BCAS3: variants seen among roughly 807,000 people sequenced by gnomAD.
BCAS3 encodes the protein BCAS3 microtubule associated cell migration factor, also known as BCAS4/BCAS3 fusion.
In BCAS3, 53 loss-of-function variants were observed where a neutral mutation model predicts 116.1. The observed-to-expected ratio is 0.46, with a 90% CI of 0.37 to 0.57. BCAS3 has a LOEUF of 0.57. BCAS3 is among the 20% of genes least tolerant of loss of function. The pLI, the probability that BCAS3 is intolerant of heterozygous loss-of-function variation, is 0.00. For missense variants in BCAS3, 917 were observed against 1,165.4 expected, an observed-to-expected ratio of 0.79 and a Z score of 3.10; for synonymous variants, 391 against 408.2, an observed-to-expected ratio of 0.96 and a Z score of 0.51.
Position 61,128,956 on chromosome 17 carries a change from T to A in BCAS3, c.2425+44392T>A, listed in dbSNP as rs578239217. Reference sequence around the variant, plus strand: ...AGGTGGAGAGGGGGACAGGGCTATATTGAGTTCTCCGCAGTTTTCTAACAG... The same window carrying A: ...AGGTGGAGAGGGGGACAGGGCTATAATGAGTTCTCCGCAGTTTTCTAACAG... On this transcript the variant is annotated intron_variant, in intron 22 of 23. Transcript: ENST00000407086. This position sits in a 1 kb window ranked among gnomAD's most constrained non-coding sequence, Gnocchi z 4.1. Among the ~76,000 whole-genome samples the A allele has an allele frequency of 5.3e-5, 8 of 152,324 alleles. No homozygotes were observed. Among genetic ancestry groups the A allele is most frequent in the African/African-American group, 1.9e-4 (8 of 41,578 alleles).
chr17:60,900,582 T>C (rs2057821334), intron 10 of BCAS3, among the ~76,000 whole-genome samples: 1 of 152,200 alleles, frequency 6.6e-6, no homozygotes, highest in Non-Finnish European at 1.5e-5. Context: ...TGAAGTGTGA[T>C]TCTCTATGCA....
intron 22 of BCAS3, among the ~76,000 whole-genome samples, chr17:61,176,565 T>TTATTTATG (rs1306076569): frequency 2.2e-4 from 32 of 145,162 alleles, no homozygotes; most frequent in African/African-American, 6.7e-4. Flanking sequence ...ATTTATTTAT[T>TTATTTATG]TATGTATTTA....
rs558692930 is a variant in BCAS3 at position 61,316,172 on chromosome 17, G to T, written c.2426-52155G>T. Among the ~76,000 whole-genome samples, 126 of 152,166 alleles carry T rather than the reference G, an allele frequency of 8.3e-4. No individual in the cohort carries two copies. Among genetic ancestry groups the T allele is most frequent in the Non-Finnish European group, 1.6e-3 (108 of 68,002 alleles). ...AATTACAAAATTAGCCAGGCATGGTGGTGCATGCCTGTGATCCCAGCTACT... is the reference window on the plus strand; with the variant it reads ...AATTACAAAATTAGCCAGGCATGGTTGTGCATGCCTGTGATCCCAGCTACT... On this transcript the variant is annotated intron_variant, in intron 22 of 23. Transcript: ENST00000407086. This position sits in a 1 kb window ranked among gnomAD's most constrained non-coding sequence, Gnocchi z 5.8.
At chr17:61,318,095 C>G (rs886333005) in intron 22 of BCAS3, among the ~76,000 whole-genome samples, 3 of 152,230 alleles carry the variant, frequency 2.0e-5, no homozygotes, top group Non-Finnish European at 4.4e-5. Context: ...CCTGCTAGAG[C>G]TACATGCCGC....
intron 19 of BCAS3, among the ~76,000 whole-genome samples, chr17:61,074,231 A>G (rs2071733849): frequency 6.6e-6 from 1 of 152,024 alleles, no homozygotes; most frequent in Admixed American, 6.5e-5. Context: ...GTTAAAAAAA[A>G]AAAGAAGAAA....
At position 61,185,521 on chromosome 17, in the gene BCAS3, C is replaced by A. The variant is rs764607329; in HGVS notation, c.2425+100957C>A. On this transcript the variant is annotated intron_variant, in intron 22 of 23. Coordinates refer to ENST00000407086, the MANE Select transcript of BCAS3 (RefSeq NM_017679.5). ...AAAGTTAGAGATCGGAAGTAACCAA[C>A]TGACAATTACAGTGGTTGATACACT... Among the ~76,000 whole-genome samples, 167 of 152,210 alleles carry A rather than the reference C, an allele frequency of 1.1e-3. 1 individual carries two copies. Among genetic ancestry groups the A allele is most frequent in the Admixed American group, 2.7e-3 (41 of 15,290 alleles).
chr17:60,807,653 G>A lies in BCAS3; in HGVS notation c.404-351G>A, dbSNP rs190567153. On this transcript the variant is annotated intron_variant, in intron 6 of 23. Coordinates refer to ENST00000407086, the MANE Select transcript of BCAS3 (RefSeq NM_017679.5). ...AAAAATTAGCCGGGCATGGTGGTAC[G>A]TGCCTGTAGTCCCAGCTACTCAGAA... Among the ~76,000 whole-genome samples, 88 of 151,990 alleles carry A rather than the reference G, an allele frequency of 5.8e-4. 1 individual carries two copies. In the East Asian group the frequency reaches 0.014, roughly 24 times the overall value.
intron 14 of BCAS3, among the ~76,000 whole-genome samples, chr17:60,977,995 A>G (rs1272169811): frequency 3.6e-5 from 5 of 140,650 alleles, no homozygotes; most frequent in African/African-American, 9.7e-5. Flanking sequence ...AGCATGATTT[A>G]TAGTCCTTTG....
intron 2 of BCAS3, 119 bp from the exon 3 acceptor site, chr17:60,683,863 C>A (rs1037257243): frequency 1.0e-5 from 9 of 878,974 alleles, no homozygotes; most frequent in African/African-American, 3.4e-5. Flanking sequence ...AACAAAAAAA[C>A]CCCAAAAAAC....
chr17:61,297,443 G>A (rs1407225689), intron 22 of BCAS3, among the ~76,000 whole-genome samples: 1 of 152,120 alleles, frequency 6.6e-6, no homozygotes. Context: ...TGTATGCCGG[G>A]GGAGGGCAGA....
At position 61,355,700 on chromosome 17, in the gene BCAS3, A is replaced by C. The variant is rs2058099992; in HGVS notation, c.2426-12627A>C. ...GTGCAATAGTGTGTATAAAGTAGCT[A>C]TGCCTGATGCAAAGTGGACACCCGA... On this transcript the variant is annotated intron_variant, in intron 22 of 23. Transcript: ENST00000407086. This position sits in a 1 kb window ranked among gnomAD's most constrained non-coding sequence, Gnocchi z 4.2. 6.6e-6 allele frequency among the ~76,000 whole-genome samples: 1 copy of C among 152,226 alleles called. No homozygotes were observed. The highest frequency in any genetic ancestry group is 2.4e-5 in the African/African-American group (1 of 41,466).
rs1475761107 is a variant in BCAS3, at chr17:60,989,973, A to G, written c.1224A>G (p.Val408=). 1 of 1,613,994 alleles carries G rather than the reference A, an allele frequency of 6.2e-7. No individual in the cohort carries two copies. The highest frequency in any genetic ancestry group is 1.1e-5 in the South Asian group (1 of 91,070). Residue 408 remains valine, a splice_region_variant and synonymous_variant, in exon 15 of 24, where the codon GTA becomes GTG. Coordinates refer to ENST00000407086, the MANE Select transcript of BCAS3 (RefSeq NM_017679.5). ...ATCTTTTCTTATCTCATTTCTAGGT[A>G]CAGGACATCTGCTTCAGCCATGACT... ...TLHRGETEAK[V]QDICFSHDCR... is the part of the protein sequence containing the mutation.
Position 61,200,738 on chromosome 17 carries a change from C to A in BCAS3, c.2425+116174C>A, listed in dbSNP as rs2080771134. Among the ~76,000 whole-genome samples the A allele has an allele frequency of 2.0e-5, 3 of 152,144 alleles. No individual in the cohort carries two copies. Among genetic ancestry groups the A allele is most frequent in the Admixed American group, 2.0e-4 (3 of 15,272 alleles). ...CCAAAATTTGGATTTTGTTTCTTTG[C>A]CACACCCATAGGATCAGGTACAGTT... On this transcript the variant is annotated intron_variant, in intron 22 of 23. Transcript: ENST00000407086. This position sits in a 1 kb window ranked among gnomAD's most constrained non-coding sequence, Gnocchi z 5.1.
intron 7 of BCAS3, among the ~76,000 whole-genome samples, chr17:60,809,041 T>C (rs1400899493): frequency 2.6e-5 from 4 of 152,080 alleles, no homozygotes; most frequent in Admixed American, 2.6e-4. Flanking sequence ...CCCAGCACTT[T>C]GGGAGGCTGA....
intron 19 of BCAS3, among the ~76,000 whole-genome samples, chr17:61,067,473 C>T (rs1320498279): frequency 6.7e-6 from 1 of 149,884 alleles, no homozygotes; most frequent in Non-Finnish European, 1.5e-5. Flanking sequence ...AATCTCAGCA[C>T]TTTGGGAGGC....
chr17:60,689,599 T>C (rs2034547712), intron 3 of BCAS3, 87 bp from the exon 4 acceptor site: 4 of 880,112 alleles, frequency 4.5e-6, no homozygotes, highest in Non-Finnish European at 7.2e-6. Flanking sequence ...AGAGGTATAG[T>C]GTTGGCTTTA....
At chr17:61,223,650 C>T (rs2082233143) in intron 22 of BCAS3, among the ~76,000 whole-genome samples, 1 of 152,066 alleles carries the variant, frequency 6.6e-6, no homozygotes. Context: ...ATATCTTTAA[C>T]CTTGAATCAT....
chr17:60,979,845 C>T (rs2062677976), intron 14 of BCAS3, among the ~76,000 whole-genome samples: 1 of 152,056 alleles, frequency 6.6e-6, no homozygotes, highest in Admixed American at 6.5e-5. Flanking sequence ...AGGGATGAAG[C>T]CCACTTGATC....
At chr17:61,038,790 T>C (rs1223751606) in intron 18 of BCAS3, among the ~76,000 whole-genome samples, 2 of 148,830 alleles carry the variant, frequency 1.3e-5, no homozygotes, top group African/African-American at 2.4e-5. Flanking sequence ...TGCCTCAGCC[T>C]CCTGAGTAGC....
Sources: allele counts gnomAD v4.1 joint callset (sites outside exome capture counted in the v4.1 genomes callset), GRCh38; gene constraint gnomAD v4.1.1; non-coding constraint Gnocchi (gnomAD v3.1); transcripts MANE v1.5; gene names NCBI Gene and HGNC (gene_info 2026-07-23, HGNC 2026-07-21).